KIAA0319: variants seen among roughly 807,000 people sequenced by gnomAD.
The protein encoded by KIAA0319 is KIAA0319.
Under a neutral mutation model 108.4 loss-of-function variants are expected in KIAA0319, and 83 were observed. The observed-to-expected ratio is 0.77, with a 90% confidence interval of 0.64 to 0.92. The LOEUF is 0.92. KIAA0319 is among the 40% of genes least tolerant of loss of function. KIAA0319 has a pLI of 0.00. For synonymous variants in KIAA0319, 484 were observed against 510.4 expected, an observed-to-expected ratio of 0.95 and a Z score of 0.70; for missense variants, 1,195 against 1,322.4, an observed-to-expected ratio of 0.90 and a Z score of 1.49.
intron 1 of KIAA0319, among the ~76,000 whole-genome samples, chr6:24,633,478 G>T (rs545528731): frequency 8.8e-4 from 134 of 152,138 alleles, no homozygotes; most frequent in African/African-American, 2.9e-3. Context: ...GTGAATTAAG[G>T]GCCAGGCTCA....
At chr6:24,540,692 T>A (rs1760168882), downstream of KIAA0319, among the ~76,000 whole-genome samples, 3 of 152,050 alleles carry the variant, frequency 2.0e-5, no homozygotes, top group African/African-American at 7.2e-5. Flanking sequence ...CTGATTTTAA[T>A]GGAAATGCTT....
At chr6:24,604,336 G>C (rs1427561205) in intron 1 of KIAA0319, among the ~76,000 whole-genome samples, 1 of 152,138 alleles carries the variant, frequency 6.6e-6, no homozygotes, top group Non-Finnish European at 1.5e-5. Flanking sequence ...TGGCCTCCCA[G>C]AAATGACATT....
At chr6:24,583,774 C>CAGTAA in intron 4 of KIAA0319, 72 bp from the exon 5 acceptor site, 1 of 930,150 alleles carries the variant, frequency 1.1e-6, no homozygotes, top group Non-Finnish European at 1.7e-6. Context: ...TACACTAGAT[C>CAGTAA]TGTTTTTGGT....
At chr6:24,582,414 G>C (rs1158253937) in intron 5 of KIAA0319, 68 bp from the exon 6 acceptor site, 2 of 902,006 alleles carry the variant, frequency 2.2e-6, no homozygotes, top group South Asian at 1.3e-5. Context: ...TGGGCAGAGG[G>C]AAGATGACAG....
downstream of KIAA0319, among the ~76,000 whole-genome samples, chr6:24,541,504 ATTAAT>A: frequency 6.6e-6 from 1 of 152,234 alleles, no homozygotes; most frequent in East Asian, 1.9e-4. Flanking sequence ...ACATAACACG[ATTAAT>A]TTAGTCAGCT....
chr6:24,635,693 C>T (rs983065934), intron 1 of KIAA0319, among the ~76,000 whole-genome samples: 1 of 152,206 alleles, frequency 6.6e-6, no homozygotes, highest in African/African-American at 2.4e-5. Flanking sequence ...ATGGGGACAT[C>T]AGTCCTACAA....
At chr6:24,587,413 T>A (rs893579503) in intron 4 of KIAA0319, among the ~76,000 whole-genome samples, 4 of 152,168 alleles carry the variant, frequency 2.6e-5, no homozygotes, top group Admixed American at 2.6e-4. Flanking sequence ...CCCAAGTAGC[T>A]GGGACTACAG....
chr6:24,616,092 ATTGT>A (rs1381534437), intron 1 of KIAA0319, among the ~76,000 whole-genome samples: 2 of 152,184 alleles, frequency 1.3e-5, no homozygotes, highest in Admixed American at 6.5e-5. Flanking sequence ...CACAGAAGAC[ATTGT>A]TTGTAGGTAT....
At chr6:24,612,363 C>T (rs1772458575) in intron 1 of KIAA0319, among the ~76,000 whole-genome samples, 1 of 151,160 alleles carries the variant, frequency 6.6e-6, no homozygotes, top group African/African-American at 2.4e-5. Flanking sequence ...AGGTAAGAGA[C>T]TCACTTGAGC....
intron 1 of KIAA0319, among the ~76,000 whole-genome samples, chr6:24,613,543 C>T (rs563880431): frequency 2.6e-5 from 4 of 152,164 alleles, no homozygotes; most frequent in African/African-American, 7.2e-5. Flanking sequence ...ACACTTCACT[C>T]CTAGAAGCAA....
At chr6:24,548,134 G>C (rs1760900372) in intron 20 of KIAA0319, among the ~76,000 whole-genome samples, 1 of 152,178 alleles carries the variant, frequency 6.6e-6, no homozygotes, top group Non-Finnish European at 1.5e-5. Context: ...TAGGAGATAA[G>C]CACATATACT....
chr6:24,564,136 GCGTAAAGAC>G, intron 15 of KIAA0319, 57 bp downstream of exon 15: 1 of 1,599,860 alleles, frequency 6.3e-7, no homozygotes, highest in South Asian at 1.1e-5. Context: ...ACATCTGTCA[GCGTAAAGAC>G]CCCAAAGGCT....
rs539817630 is a variant in KIAA0319, at chr6:24,598,095, G to A, written c.56-1477C>T. ...TCAGCAGCCACTCCTACACAAGCTGGCCTGGTGCCAGCATCAGCTCCTTGA... is the reference window on the plus strand; with the variant it reads ...TCAGCAGCCACTCCTACACAAGCTGACCTGGTGCCAGCATCAGCTCCTTGA... On this transcript the variant is annotated intron_variant, in intron 2 of 20. Coordinates refer to ENST00000378214, the MANE Select transcript of KIAA0319 (RefSeq NM_014809.4). The A allele has an allele frequency of 5.9e-4, 260 of 441,368 alleles. 1 individual carries two copies. Among genetic ancestry groups the A allele is most frequent in the African/African-American group, 5.0e-3 (250 of 49,836 alleles). The allele number at this position is 441,368 out of a possible 1,614,324, so 27.3% of individuals were successfully genotyped here.
chr6:24,614,892 G>A (rs981137839), intron 1 of KIAA0319, among the ~76,000 whole-genome samples: 5 of 152,052 alleles, frequency 3.3e-5, no homozygotes, highest in Admixed American at 6.6e-5. Flanking sequence ...TCAGCATCTC[G>A]TTGCCTGGTT....
At chr6:24,639,264 A>G (rs1776608714) in intron 1 of KIAA0319, among the ~76,000 whole-genome samples, 1 of 152,214 alleles carries the variant, frequency 6.6e-6, no homozygotes, top group Non-Finnish European at 1.5e-5. Flanking sequence ...TAGATCCTAT[A>G]AGGAGCCAGA....
chr6:24,595,158 T>A (rs1212305993), intron 3 of KIAA0319, among the ~76,000 whole-genome samples: 1 of 152,228 alleles, frequency 6.6e-6, no homozygotes, highest in East Asian at 1.9e-4. Flanking sequence ...AAGCACCTGT[T>A]GGGTCTTGAA....
chr6:24,582,608 T>A (rs1039535931), intron 5 of KIAA0319, among the ~76,000 whole-genome samples: 28 of 151,626 alleles, frequency 1.8e-4, no homozygotes, highest in African/African-American at 6.8e-4. Flanking sequence ...ACATTTCTTT[T>A]TTTGTTATAA....
In KIAA0319 at chr6:24,564,132, G is replaced by A. The variant is rs915370599; in HGVS notation, c.2431+70C>T. The A allele has an allele frequency of 2.5e-6, 4 of 1,592,444 alleles. No homozygotes were observed. The African/African-American group carries it at 5.4e-5, about 21-fold the overall frequency. On this transcript the variant is annotated intron_variant, in intron 15 of 20. Transcript: ENST00000378214. ...GAGGCCTCCCACACTGGTCACATCT[G>A]TCAGCGTAAAGACCCCAAAGGCTGA...
intron 20 of KIAA0319, among the ~76,000 whole-genome samples, chr6:24,549,326 CAAA>C (rs35975247): frequency 5.4e-4 from 62 of 115,564 alleles, no homozygotes; most frequent in African/African-American, 1.3e-3. Context: ...ACTCTGTCTC[CAAA>C]AAAAAAAAAA....
Sources: allele counts gnomAD v4.1 joint callset (sites outside exome capture counted in the v4.1 genomes callset), GRCh38; gene constraint gnomAD v4.1.1; transcripts MANE v1.5; gene names NCBI Gene and HGNC (gene_info 2026-07-23, HGNC 2026-07-21).